Variants in SRRM2 observed in about 807,000 individuals in gnomAD.
SRRM2 encodes serine/arginine repetitive matrix protein 2.
A neutral mutation model predicts 213.8 loss-of-function variants in SRRM2; 30 were observed. The ratio of observed to expected loss-of-function variants is 0.14; its 90% CI spans 0.10 to 0.19. SRRM2 has a LOEUF of 0.19. Among genes scored for constraint, SRRM2 ranks in the 10% least tolerant of loss-of-function variants. SRRM2 has a pLI of 1.00. For missense variants in SRRM2, 4,904 were observed against 3,647.0 expected (o/e 1.34, Z -8.88); for synonymous variants, 2,025 against 1,377.7 (o/e 1.47, Z -10.40).
In SRRM2 at chr16:2,764,299, T is replaced by C. The variant is rs142926194; in HGVS notation, c.3771T>C (p.Ser1257=). The C allele has an allele frequency of 1.5e-5, 24 of 1,614,000 alleles. No individual in the cohort carries two copies. The African/African-American group carries it at 2.8e-4, about 19-fold the overall frequency. Residue 1257 remains serine, a synonymous_variant, in exon 11 of 15, where the codon TCT becomes TCC. Coordinates refer to ENST00000301740, the MANE Select transcript of SRRM2 (RefSeq NM_016333.4). ...EPAGQILSHL[S]SELKEMSTSN... ...CAGGCCAAATCCTGTCTCATTTGTCTTCAGAACTTAAAGAAATGTCCACAA... is the reference window on the plus strand; with the variant it reads ...CAGGCCAAATCCTGTCTCATTTGTCCTCAGAACTTAAAGAAATGTCCACAA...
intron 2 of SRRM2, among the ~76,000 whole-genome samples, chr16:2,756,962 A>T (rs935509048): frequency 1.3e-5 from 2 of 152,150 alleles, no homozygotes; most frequent in African/African-American, 2.4e-5. Context: ...GAAAAGAAGA[A>T]GATAAATGGA....
Position 2,771,252 on chromosome 16 carries a change from A to G in SRRM2, c.*385A>G. On this transcript the variant is annotated 3_prime_UTR_variant, in exon 15 of 15. Coordinates refer to ENST00000301740, the MANE Select transcript of SRRM2 (RefSeq NM_016333.4). ...GGAGGTTGTATAAGGTGTTCTTGGAAGGAAGGGGCAGGAGTTGGAATTAGT... is the reference window on the plus strand; with the variant it reads ...GGAGGTTGTATAAGGTGTTCTTGGAGGGAAGGGGCAGGAGTTGGAATTAGT... 1.4e-6 allele frequency: 1 copy of G among 728,976 alleles called. No individual in the cohort carries two copies. Among genetic ancestry groups the G allele is most frequent in the Non-Finnish European group, 2.4e-6 (1 of 419,348 alleles). The allele number at this position is 728,976 out of a possible 1,614,324, so 45.2% of individuals were successfully genotyped here.
At position 2,769,034 on chromosome 16, in the gene SRRM2, C is replaced by A. The variant is rs200668425; in HGVS notation, c.7771C>A (p.Arg2591=). 6.8e-6 allele frequency: 11 copies of A among 1,614,052 alleles called. No homozygotes were observed. The highest frequency in any genetic ancestry group is 8.5e-6 in the Non-Finnish European group (10 of 1,179,994). The change falls in exon 12 of 15, where the codon CGA becomes AGA. Residue 2591 remains arginine, a synonymous_variant. Coordinates refer to ENST00000301740, the MANE Select transcript of SRRM2 (RefSeq NM_016333.4). ...CACCCCAGCCCCAAAGGAGGCTGTT[C>A]GAGAGGGACGTCCTCCGGAGCCAAC... ...SPTPAPKEAV[R]EGRPPEPTPA...
rs750922425 is a variant in SRRM2 at position 2,768,095 on chromosome 16, G to A, written c.7567G>A (p.Ala2523Thr). 28 of 1,614,004 alleles carry A rather than the reference G, an allele frequency of 1.7e-5. No homozygotes were observed. The South Asian group carries it at 1.9e-4, about 11-fold the overall frequency. Residue 2523 changes from alanine to threonine, a missense_variant, in exon 11 of 15, where the codon GCC (alanine) becomes ACC (threonine). By Grantham distance (58) the Ala-to-Thr change is moderately conservative. Coordinates refer to ENST00000301740, the MANE Select transcript of SRRM2 (RefSeq NM_016333.4). The part of the protein sequence containing the change: ...TGAQQPSALA[A>T]LQPAKERRSS... ...GGCCCAGCAGCCTTCTGCATTAGCC[G>A]CCCTGCAGCCAGCAAAGGAGCGGCG...
Position 2,761,675 on chromosome 16 carries a change from A to G in SRRM2, c.1147A>G (p.Thr383Ala). Residue 383 changes from threonine to alanine, a missense_variant, in exon 11 of 15, where the codon ACC becomes GCC. Thr to Ala is a moderately conservative substitution (Grantham distance 58). Coordinates refer to ENST00000301740, the MANE Select transcript of SRRM2 (RefSeq NM_016333.4). ...RHGGSPQPLATTPLSQEPVNP... is the reference protein window; with the variant it reads ...RHGGSPQPLAATPLSQEPVNP... Reference sequence around the variant, plus strand: ...TGGCGGCTCCCCACAACCCCTTGCAACCACCCCCTTAAGCCAGGAGCCAGT... The same window carrying G: ...TGGCGGCTCCCCACAACCCCTTGCAGCCACCCCCTTAAGCCAGGAGCCAGT... 6.3e-7 allele frequency: 1 copy of G among 1,597,926 alleles called. No individual in the cohort carries two copies. Among genetic ancestry groups the G allele is most frequent in the Non-Finnish European group, 8.5e-7 (1 of 1,172,478 alleles).
chr16:2,766,155 C>G lies in SRRM2; in HGVS notation c.5627C>G (p.Ser1876Cys), dbSNP rs2068534323. ...GCCTCTCCAGCCACTCACCGGCGAT[C>G]CAGGTCCAGAACCCCCCTGATAAGC... is the stretch of plus-strand genomic sequence containing the variant. ...SRASPATHRRSRSRTPLISRR... is the reference protein window; with the variant it reads ...SRASPATHRRCRSRTPLISRR... Residue 1876 changes from serine to cysteine, a missense_variant, in exon 11 of 15, where the codon TCC becomes TGC. By Grantham distance (112) the Ser-to-Cys change is moderately radical. Coordinates refer to ENST00000301740, the MANE Select transcript of SRRM2 (RefSeq NM_016333.4). The surrounding 1 kb of genome is among the most constrained non-coding windows in gnomAD (Gnocchi z 7.0). 6.2e-7 allele frequency: 1 copy of G among 1,614,186 alleles called. No homozygotes were observed. Among genetic ancestry groups the G allele is most frequent in the Non-Finnish European group, 8.5e-7 (1 of 1,180,036 alleles).
Position 2,759,342 on chromosome 16 carries a change from T to A in SRRM2, c.690-10T>A, listed in dbSNP as rs2068259025. The A allele has an allele frequency of 1.9e-6, 3 of 1,606,714 alleles. No homozygotes were observed. The Admixed American group carries it at 5.2e-5, about 28-fold the overall frequency. On this transcript the variant is annotated splice_polypyrimidine_tract_variant and intron_variant, in intron 7 of 14. Coordinates refer to ENST00000301740, the MANE Select transcript of SRRM2 (RefSeq NM_016333.4). ...GAAGTTACTTTTAACAACCTTTCCT[T>A]ATTTCCCAGGTCTCCCACTCCAAAG...
At chr16:2,757,420 G>A (rs2150771828) in intron 2 of SRRM2, 52 bp from the exon 3 acceptor site, 1 of 1,550,304 alleles carries the variant, frequency 6.5e-7, no homozygotes, top group Non-Finnish European at 8.9e-7. Context: ...GGAAACCTGG[G>A]ACTGGGGAAA....
intron 11 of SRRM2, 161 bp from the exon 12 acceptor site, chr16:2,768,836 C>T (rs1024436429): frequency 1.3e-5 from 19 of 1,453,788 alleles, no homozygotes; most frequent in East Asian, 2.5e-5. Context: ...TGGGTCAGCT[C>T]GCACCACTGC....
Position 2,761,971 on chromosome 16 carries a change from G to A in SRRM2, c.1443G>A (p.Met481Ile). 2 of 1,614,108 alleles carry A rather than the reference G, an allele frequency of 1.2e-6. No individual in the cohort carries two copies. Among genetic ancestry groups the A allele is most frequent in the Admixed American group, 1.7e-5 (1 of 60,016 alleles). Residue 481 changes from methionine (M) to isoleucine (I), a missense_variant, in exon 11 of 15, where the codon ATG (methionine) becomes ATA (isoleucine). Physicochemically the swap from Met to Ile is conservative, Grantham distance 10. Transcript: ENST00000301740. ...ATTCTCATACCCCCTCCCGTAGGAT[G>A]GGGAGGTCCCGTAGCCCTGCCACCG... is the stretch of plus-strand genomic sequence containing the variant. ...KSHSHTPSRR[M>I]GRSRSPATAK...
At chr16:2,752,937 C>G (rs1482991774) in intron 1 of SRRM2, 91 bp downstream of exon 1, 3 of 157,974 alleles carry the variant, frequency 1.9e-5, no homozygotes, top group Non-Finnish European at 2.8e-5. Context: ...CCCAGGCCGC[C>G]GAGCTCCTCC....
Position 2,756,582 on chromosome 16 carries a change from T to C in SRRM2, c.218T>C (p.Leu73Pro). ...CGCGTCGAGCTGCGATGCCTCGAGC[T>C]GGAGGAGATGATGGAAGAGCAGGGG... ...KRRVELRCLE[L>P]EEMMEEQGYE... is the part of the protein sequence containing the mutation. Residue 73 changes from leucine (L) to proline (P), a missense_variant, in exon 2 of 15, where the codon CTG (leucine) becomes CCG (proline). Transcript: ENST00000301740. 1 of 1,613,440 alleles carries C rather than the reference T, an allele frequency of 6.2e-7. No individual in the cohort carries two copies.
rs1432693996 is a variant in SRRM2 at position 2,764,086 on chromosome 16, A to G, written c.3558A>G (p.Lys1186=). ...ATASPPRQKD[K]FSPFPVQDRP... ...CATCACCTCCTAGACAGAAAGACAA[A>G]TTTAGTCCCTTTCCAGTACAGGATA... The change falls in exon 11 of 15, where the codon AAA becomes AAG. Residue 1186 remains lysine, a synonymous_variant. Transcript: ENST00000301740. 1 of 1,614,166 alleles carries G rather than the reference A, an allele frequency of 6.2e-7. No homozygotes were observed.
chr16:2,758,862 C>T, intron 5 of SRRM2, 123 bp from the exon 6 acceptor site: 1 of 1,024,784 alleles, frequency 9.8e-7, no homozygotes, highest in Non-Finnish European at 1.4e-6. Context: ...GGGCTTAGGT[C>T]TGGGGCATTA....
chr16:2,766,876 C>T lies in SRRM2; in HGVS notation c.6348C>T (p.Cys2116=). Reference sequence around the variant, plus strand: ...CACTCAACAGTTCCAGAATGAGCTGCTTCAGTCGTCCTAGCATGTCCCCAA... The same window carrying T: ...CACTCAACAGTTCCAGAATGAGCTGTTTCAGTCGTCCTAGCATGTCCCCAA... ...PVALNSSRMS[C]FSRPSMSPTP... Residue 2116 remains cysteine, a synonymous_variant, in exon 11 of 15, where the codon TGC becomes TGT. Coordinates refer to ENST00000301740, the MANE Select transcript of SRRM2 (RefSeq NM_016333.4). This position sits in a 1 kb window ranked among gnomAD's most constrained non-coding sequence, Gnocchi z 7.0. The T allele has an allele frequency of 1.9e-6, 3 of 1,614,136 alleles. No individual in the cohort carries two copies. Among genetic ancestry groups the T allele is most frequent in the Non-Finnish European group, 2.5e-6 (3 of 1,180,026 alleles).
rs1567241607 is a variant in SRRM2, at chr16:2,766,933, G to C, written c.6405G>C (p.Met2135Ile). 6.2e-7 allele frequency: 1 copy of C among 1,614,062 alleles called. No individual in the cohort carries two copies. The highest frequency in any genetic ancestry group is 1.6e-4 in the Middle Eastern group (1 of 6,062). Reference protein sequence around the residue: ...TPLDRCRSPGMLEPLGSSRTP... With the variant: ...TPLDRCRSPGILEPLGSSRTP... Reference sequence around the variant, plus strand: ...TTGATCGCTGCAGATCACCTGGAATGCTTGAACCCCTTGGCAGCTCTAGAA... The same window carrying C: ...TTGATCGCTGCAGATCACCTGGAATCCTTGAACCCCTTGGCAGCTCTAGAA... Residue 2135 changes from methionine (M) to isoleucine (I), a missense_variant, in exon 11 of 15, where the codon ATG becomes ATC. By Grantham distance (10) the Met-to-Ile change is conservative. Coordinates refer to ENST00000301740, the MANE Select transcript of SRRM2 (RefSeq NM_016333.4). This position sits in a 1 kb window ranked among gnomAD's most constrained non-coding sequence, Gnocchi z 7.0.
chr16:2,761,342 T>C lies in SRRM2; in HGVS notation c.1033-219T>C, dbSNP rs113022686. Among the ~76,000 whole-genome samples the C allele has an allele frequency of 1.4e-4, 22 of 152,356 alleles. 2 individuals are homozygous for C. The highest frequency in any genetic ancestry group is 5.3e-4 in the African/African-American group (22 of 41,582). ...TAGTAGTGCATTAGTTATTTGCATT[T>C]TGTGTTTCTTTTAGTTTTAAGATTC... On this transcript the variant is annotated intron_variant, in intron 10 of 14. Transcript: ENST00000301740.
rs756088676 is a variant in SRRM2 at position 2,766,631 on chromosome 16, C to A, written c.6103C>A (p.Pro2035Thr). 2 of 1,613,506 alleles carry A rather than the reference C, an allele frequency of 1.2e-6. No individual in the cohort carries two copies. Among genetic ancestry groups the A allele is most frequent in the Admixed American group, 3.3e-5 (2 of 59,962 alleles). The change falls in exon 11 of 15, where the codon CCA becomes ACA. Residue 2035 changes from proline to threonine, a missense_variant. By Grantham distance (38) the Pro-to-Thr change is conservative. Coordinates refer to ENST00000301740, the MANE Select transcript of SRRM2 (RefSeq NM_016333.4). The surrounding 1 kb of genome is among the most constrained non-coding windows in gnomAD (Gnocchi z 7.0). ...AIRRRSRSRT[P>T]LLPRKRSRSR... ...TCGGCGCCGCTCTAGATCTCGAACG[C>A]CACTGTTACCACGCAAACGTTCTCG... is the stretch of plus-strand genomic sequence containing the variant.
At position 2,761,548 on chromosome 16, in the gene SRRM2, C is replaced by A. The variant is rs772470242; in HGVS notation, c.1033-13C>A. 3.3e-6 allele frequency: 5 copies of A among 1,496,896 alleles called. No individual in the cohort carries two copies. Among genetic ancestry groups the A allele is most frequent in the South Asian group, 2.8e-5 (2 of 71,144 alleles). 92.7% of individuals were successfully genotyped at this position (1,496,896 alleles called of 1,614,324 possible). On this transcript the variant is annotated splice_polypyrimidine_tract_variant and intron_variant, in intron 10 of 14. Coordinates refer to ENST00000301740, the MANE Select transcript of SRRM2 (RefSeq NM_016333.4). ...TTATGAATCCCTATCCCTGCTCTCTCTTCCACTCTTAGAAATCTGCAACTC... is the reference window on the plus strand; with the variant it reads ...TTATGAATCCCTATCCCTGCTCTCTATTCCACTCTTAGAAATCTGCAACTC...
Sources: allele counts gnomAD v4.1 joint callset (sites outside exome capture counted in the v4.1 genomes callset), GRCh38; gene constraint gnomAD v4.1.1; non-coding constraint Gnocchi (gnomAD v3.1); transcripts MANE v1.5; gene names NCBI Gene and HGNC (gene_info 2026-07-23, HGNC 2026-07-21).